Variants in MFSD6 observed in about 807,000 individuals in gnomAD.
MFSD6 encodes the protein major facilitator superfamily domain containing 6.
MFSD6 carries 26 observed loss-of-function variants against 56.3 expected under a neutral mutation model. The observed-to-expected ratio is 0.46, with a 90% CI of 0.34 to 0.64. The LOEUF is 0.64. Ranked by LOEUF, MFSD6 falls within the 30% of genes least tolerant of loss-of-function variation. MFSD6 has a pLI of 0.01. For missense variants in MFSD6, 750 were observed against 986.2 expected, an observed-to-expected ratio of 0.76 and a Z score of 3.21; for synonymous variants, 331 against 366.9, an observed-to-expected ratio of 0.90 and a Z score of 1.12.
rs1470884536 is a variant in MFSD6, at chr2:190,461,522, C to CT, written c.1533-8233dup. On this transcript the variant is annotated intron_variant, in intron 3 of 7. Transcript: ENST00000392328. The surrounding 1 kb of genome is among the most constrained non-coding windows in gnomAD (Gnocchi z 5.5). ...ATATTCTGCAATGTCTTTTACCTTG[C>CT]TTTAAATGCCAAACAGTTCTGGAGG... Among the ~76,000 whole-genome samples the CT allele has an allele frequency of 6.6e-6, 1 of 152,168 alleles. No individual in the cohort carries two copies. The highest frequency in any genetic ancestry group is 1.9e-4 in the East Asian group (1 of 5,198).
rs1175058188 is a variant in MFSD6, at chr2:190,415,105, A to C, written c.-175-187A>C. ...TTTGTTTCAGTTGTGATTGTTGTGA[A>C]AAGTGTTGCAATAAAAATCTTTACA... On this transcript the variant is annotated intron_variant, in intron 1 of 7. Transcript: ENST00000392328. The surrounding 1 kb of genome is among the most constrained non-coding windows in gnomAD (Gnocchi z 4.5). Among the ~76,000 whole-genome samples, 1 of 152,190 alleles carries C rather than the reference A, an allele frequency of 6.6e-6. No homozygotes were observed.
rs138842827 is a variant in MFSD6, at chr2:190,446,270, A to C, written c.1532+8709A>C. ...AACTCTGAAAGAGTTTGAGATTATAAGAGTATGCTGTTTTCACAACATAAA... is the reference window on the plus strand; with the variant it reads ...AACTCTGAAAGAGTTTGAGATTATACGAGTATGCTGTTTTCACAACATAAA... On this transcript the variant is annotated intron_variant, in intron 3 of 7. Coordinates refer to ENST00000392328, the MANE Select transcript of MFSD6 (RefSeq NM_017694.4). 4.1e-4 allele frequency among the ~76,000 whole-genome samples: 62 copies of C among 152,304 alleles called. No homozygotes were observed. The East Asian group carries it at 0.011, about 27-fold the overall frequency.
At chr2:190,473,789 T>C (rs531815313) in intron 4 of MFSD6, among the ~76,000 whole-genome samples, 23 of 151,802 alleles carry the variant, frequency 1.5e-4, no homozygotes, top group African/African-American at 5.5e-4. Flanking sequence ...ACCACACCTA[T>C]TCCAAAATTG....
intron 3 of MFSD6, among the ~76,000 whole-genome samples, chr2:190,450,646 C>CTTGGGAGG (rs1686746534): frequency 6.6e-6 from 1 of 151,880 alleles, no homozygotes; most frequent in Admixed American, 6.6e-5. Context: ...GCATGTGCCA[C>CTTGGGAGG]CATGCCCAGC....
rs1687324542 is a variant in MFSD6 at position 190,461,465 on chromosome 2, T to G, written c.1533-8293T>G. ...ATGTAGCTGTATGTGTCACTTCCTT[T>G]TTCTGACATAAATATTACAATACTA... is the stretch of plus-strand genomic sequence containing the variant. On this transcript the variant is annotated intron_variant, in intron 3 of 7. Coordinates refer to ENST00000392328, the MANE Select transcript of MFSD6 (RefSeq NM_017694.4). The surrounding 1 kb of genome is among the most constrained non-coding windows in gnomAD (Gnocchi z 5.5). 6.6e-6 allele frequency among the ~76,000 whole-genome samples: 1 copy of G among 152,226 alleles called. No homozygotes were observed. The highest frequency in any genetic ancestry group is 1.5e-5 in the Non-Finnish European group (1 of 68,036).
rs542443419 is a variant in MFSD6, at chr2:190,469,834, C to A, written c.1609C>A (p.Leu537Ile). ...CTACCTGGAGAATGCCTGGACTGTT[C>A]TCCCCATGGAAGTTCTTCAAGGTAA... ...ISYLENAWTV[L>I]PMEVLQGVTH... Residue 537 changes from leucine to isoleucine, a missense_variant, in exon 4 of 8, where the codon CTC becomes ATC. Coordinates refer to ENST00000392328, the MANE Select transcript of MFSD6 (RefSeq NM_017694.4). This position sits in a 1 kb window ranked among gnomAD's most constrained non-coding sequence, Gnocchi z 5.3. 6.2e-7 allele frequency: 1 copy of A among 1,607,572 alleles called. No homozygotes were observed. The highest frequency in any genetic ancestry group is 8.5e-7 in the Non-Finnish European group (1 of 1,176,188).
In MFSD6 at chr2:190,458,329, T is replaced by C. The variant is rs980127480; in HGVS notation, c.1533-11429T>C. Reference sequence around the variant, plus strand: ...CAGCCCTCATCTGTTATGAGCAGTGTCCTCGTGAGAAGAGATTGGGGCCAC... The same window carrying C: ...CAGCCCTCATCTGTTATGAGCAGTGCCCTCGTGAGAAGAGATTGGGGCCAC... On this transcript the variant is annotated intron_variant, in intron 3 of 7. Transcript: ENST00000392328. The surrounding 1 kb of genome is among the most constrained non-coding windows in gnomAD (Gnocchi z 5.3). Among the ~76,000 whole-genome samples, 2 of 152,088 alleles carry C rather than the reference T, an allele frequency of 1.3e-5. No individual in the cohort carries two copies. The highest frequency in any genetic ancestry group is 4.8e-5 in the African/African-American group (2 of 41,400).
In MFSD6 at chr2:190,485,208, T is replaced by G. The variant is rs1343508536; in HGVS notation, c.1631-3449T>G. Among the ~76,000 whole-genome samples the G allele has an allele frequency of 6.6e-6, 1 of 152,148 alleles. No homozygotes were observed. The highest frequency in any genetic ancestry group is 1.5e-5 in the Non-Finnish European group (1 of 67,994). On this transcript the variant is annotated intron_variant, in intron 4 of 7. Coordinates refer to ENST00000392328, the MANE Select transcript of MFSD6 (RefSeq NM_017694.4). This position sits in a 1 kb window ranked among gnomAD's most constrained non-coding sequence, Gnocchi z 5.1. ...AGGGGGAAAATAGATACAAACCCTG[T>G]GGTTGGAAGAGTTTGTGTGTGTCCA...
chr2:190,445,092 A>G (rs1312900229), intron 3 of MFSD6, among the ~76,000 whole-genome samples: 2 of 152,138 alleles, frequency 1.3e-5, no homozygotes, highest in Non-Finnish European at 2.9e-5. Context: ...CCTGGCTTCC[A>G]TCCTGCTTGT....
At chr2:190,446,104 CA>C (rs1559116184) in intron 3 of MFSD6, among the ~76,000 whole-genome samples, 1 of 152,140 alleles carries the variant, frequency 6.6e-6, no homozygotes, top group Non-Finnish European at 1.5e-5. Context: ...TAGCACTCTC[CA>C]AAAGTGAATG....
intron 1 of MFSD6, chr2:190,411,244 C>G (rs2124977222): frequency 3.3e-6 from 2 of 604,066 alleles, no homozygotes; most frequent in South Asian, 7.3e-5. Flanking sequence ...ACTGCAACCT[C>G]TGCCTCCTGG....
Position 190,495,475 on chromosome 2 carries a change from T to G in MFSD6, c.1892-1964T>G, listed in dbSNP as rs1689619595. Reference sequence around the variant, plus strand: ...TTCCCATCAAATACCACCATCATTCTTCACAGAACTAGAAAAAACAATCCT... The same window carrying G: ...TTCCCATCAAATACCACCATCATTCGTCACAGAACTAGAAAAAACAATCCT... On this transcript the variant is annotated intron_variant, in intron 6 of 7. Coordinates refer to ENST00000392328, the MANE Select transcript of MFSD6 (RefSeq NM_017694.4). This position sits in a 1 kb window ranked among gnomAD's most constrained non-coding sequence, Gnocchi z 4.7. Among the ~76,000 whole-genome samples the G allele has an allele frequency of 6.6e-6, 1 of 152,168 alleles. No individual in the cohort carries two copies. The highest frequency in any genetic ancestry group is 1.5e-5 in the Non-Finnish European group (1 of 68,018).
rs1324138508 is a variant in MFSD6, at chr2:190,463,747, G to A, written c.1533-6011G>A. On this transcript the variant is annotated intron_variant, in intron 3 of 7. Transcript: ENST00000392328. The surrounding 1 kb of genome is among the most constrained non-coding windows in gnomAD (Gnocchi z 4.4). ...AGGTGGGAGGATCACCTGGGCTCTG[G>A]TGGTCAAGGCTGCATTGAGCTGTGA... is the stretch of plus-strand genomic sequence containing the variant. The A allele has an allele frequency of 2.7e-6, 1 of 364,744 alleles. No homozygotes were observed. The highest frequency in any genetic ancestry group is 1.6e-4 in the East Asian group (1 of 6,072). 22.6% of individuals were successfully genotyped at this position (364,744 alleles called of 1,614,324 possible).
At chr2:190,445,566 T>C (rs1472869370) in intron 3 of MFSD6, among the ~76,000 whole-genome samples, 1 of 151,672 alleles carries the variant, frequency 6.6e-6, no homozygotes, top group East Asian at 1.9e-4. Context: ...ACATACAGAA[T>C]GACTTGAGTG....
At position 190,413,704 on chromosome 2, in the gene MFSD6, G is replaced by T. The variant is rs1404247392; in HGVS notation, c.-175-1588G>T. 6.6e-6 allele frequency among the ~76,000 whole-genome samples: 1 copy of T among 152,190 alleles called. No homozygotes were observed. Among genetic ancestry groups the T allele is most frequent in the Non-Finnish European group, 1.5e-5 (1 of 68,026 alleles). On this transcript the variant is annotated intron_variant, in intron 1 of 7. Coordinates refer to ENST00000392328, the MANE Select transcript of MFSD6 (RefSeq NM_017694.4). This position sits in a 1 kb window ranked among gnomAD's most constrained non-coding sequence, Gnocchi z 4.1. ...GGAAAGTGAGTGGCGAGCCTGGACT[G>T]GTAGTTAGCAGTCTGTGTTGGTTAT...
rs1686166168 is a variant in MFSD6 at position 190,436,099 on chromosome 2, G to C, written c.70G>C (p.Asp24His). The C allele has an allele frequency of 6.2e-7, 1 of 1,614,100 alleles. No homozygotes were observed. Among genetic ancestry groups the C allele is most frequent in the African/African-American group, 1.3e-5 (1 of 74,938 alleles). The change falls in exon 3 of 8, where the codon GAT (aspartate) becomes CAT (histidine). Residue 24 changes from aspartate to histidine, a missense_variant. Coordinates refer to ENST00000392328, the MANE Select transcript of MFSD6 (RefSeq NM_017694.4). The surrounding 1 kb of genome is among the most constrained non-coding windows in gnomAD (Gnocchi z 5.3). ...EEQKRKYVLADPFNGISREPE... is the reference protein window; with the variant it reads ...EEQKRKYVLAHPFNGISREPE... ...ACAGAAGAGAAAGTATGTGCTTGCA[G>C]ATCCCTTTAATGGTATTTCCAGGGA...
Position 190,417,393 on chromosome 2 carries a change from T to G in MFSD6, c.-54+1980T>G, listed in dbSNP as rs1183333539. 3.3e-5 allele frequency among the ~76,000 whole-genome samples: 5 copies of G among 152,150 alleles called. No homozygotes were observed. The highest frequency in any genetic ancestry group is 7.3e-5 in the Non-Finnish European group (5 of 68,030). ...TCGAGGCCCCACACCACAGACCCTC[T>G]GTGTACATCACCTGTGCTTGCTCCT... On this transcript the variant is annotated intron_variant, in intron 2 of 7. Coordinates refer to ENST00000392328, the MANE Select transcript of MFSD6 (RefSeq NM_017694.4). This position sits in a 1 kb window ranked among gnomAD's most constrained non-coding sequence, Gnocchi z 5.7.
Position 190,451,082 on chromosome 2 carries a change from G to T in MFSD6, c.1532+13521G>T, listed in dbSNP as rs1051507714. Reference sequence around the variant, plus strand: ...CATCATCCTAAGCCCTGGTAGGATCGTTGAGTAGTGTAGTAGTTACCCTGT... The same window carrying T: ...CATCATCCTAAGCCCTGGTAGGATCTTTGAGTAGTGTAGTAGTTACCCTGT... On this transcript the variant is annotated intron_variant, in intron 3 of 7. Transcript: ENST00000392328. This position sits in a 1 kb window ranked among gnomAD's most constrained non-coding sequence, Gnocchi z 5.0. Among the ~76,000 whole-genome samples, 1 of 152,164 alleles carries T rather than the reference G, an allele frequency of 6.6e-6. No individual in the cohort carries two copies. The highest frequency in any genetic ancestry group is 1.5e-5 in the Non-Finnish European group (1 of 68,034).
Position 190,467,081 on chromosome 2 carries a change from ATTT to A in MFSD6, c.1533-2676_1533-2674del. Among the ~76,000 whole-genome samples, 1 of 152,216 alleles carries A rather than the reference ATTT, an allele frequency of 6.6e-6. No individual in the cohort carries two copies. The highest frequency in any genetic ancestry group is 1.5e-5 in the Non-Finnish European group (1 of 68,036). On this transcript the variant is annotated intron_variant, in intron 3 of 7. Transcript: ENST00000392328. The surrounding 1 kb of genome is among the most constrained non-coding windows in gnomAD (Gnocchi z 5.5). ...TCAAAAGACAGCTTCAGGATAGACA[ATTT>A]GTGAACACTAGGAAAGTGGATTACC...
Sources: gnomAD v4.1 joint callset for allele counts (sites outside exome capture counted in the v4.1 genomes callset) on GRCh38, gnomAD v4.1.1 for gene constraint, Gnocchi (gnomAD v3.1) non-coding constraint, MANE v1.5 for transcripts, NCBI Gene and HGNC (gene_info 2026-07-23, HGNC 2026-07-21) for gene names.